The following DIP2C variants were observed in gnomAD, a reference collection of about 807,000 sequenced individuals.
The protein encoded by DIP2C is DIP2 acetate--CoA ligase C (putative).
A neutral mutation model predicts 192.4 loss-of-function variants in DIP2C; 33 were observed. The ratio of observed to expected loss-of-function variants is 0.17; its 90% CI spans 0.13 to 0.23. DIP2C has a LOEUF of 0.23. Ranked by LOEUF, DIP2C falls within the 10% of genes least tolerant of loss-of-function variation. The pLI is 1.00. For synonymous variants in DIP2C, 979 were observed against 864.1 expected, an observed-to-expected ratio of 1.13 and a Z score of -2.33; for missense variants, 1,537 against 2,110.1, an observed-to-expected ratio of 0.73 and a Z score of 5.32.
At chr10:534,142 G>A (rs1414214804) in intron 1 of DIP2C, among the ~76,000 whole-genome samples, 1 of 152,344 alleles carries the variant, frequency 6.6e-6, no homozygotes, top group Non-Finnish European at 1.5e-5. Flanking sequence ...ACTTCCCAGA[G>A]TCCATGCTTC....
intron 10 of DIP2C, among the ~76,000 whole-genome samples, chr10:396,831 G>T (rs925528130): frequency 4.6e-5 from 3 of 64,680 alleles, no homozygotes; most frequent in South Asian, 1.2e-3. Flanking sequence ...TCCGGTGGGG[G>T]GGGGGGAAAC....
chr10:600,667 A>G lies in DIP2C; in HGVS notation c.85+88827T>C, dbSNP rs544124313. Among the ~76,000 whole-genome samples, 350 of 152,276 alleles carry G rather than the reference A, an allele frequency of 2.3e-3. 4 individuals carry two copies. Among genetic ancestry groups the G allele is most frequent in the African/African-American group, 7.8e-3 (326 of 41,548 alleles). On this transcript the variant is annotated intron_variant, in intron 1 of 36. Transcript: ENST00000280886. ...CTTTCCACCTTAAAGAGGATGGCCCAGGGTGTGTGGATATTCCTGGGTGCC... is the reference window on the plus strand; with the variant it reads ...CTTTCCACCTTAAAGAGGATGGCCCGGGGTGTGTGGATATTCCTGGGTGCC...
At chr10:473,557 T>C (rs538795306) in intron 2 of DIP2C, among the ~76,000 whole-genome samples, 1 of 151,308 alleles carries the variant, frequency 6.6e-6, no homozygotes, top group Admixed American at 6.6e-5. Context: ...TCATCCTATG[T>C]CATCCCCACA....
At chr10:294,684 C>A (rs182956449) in intron 32 of DIP2C, among the ~76,000 whole-genome samples, 65 of 151,818 alleles carry the variant, frequency 4.3e-4, no homozygotes, top group Non-Finnish European at 7.5e-4. Flanking sequence ...TATGTCCATT[C>A]ATAAAGTTTC....
At chr10:348,796 G>A (rs1157320846) in intron 25 of DIP2C, 34 bp from the exon 26 acceptor site, 1 of 1,610,634 alleles carries the variant, frequency 6.2e-7, no homozygotes, top group East Asian at 2.2e-5. Context: ...CATTGAAGCA[G>A]ACCACGCTGC....
intron 4 of DIP2C, among the ~76,000 whole-genome samples, chr10:436,828 C>A: frequency 7.2e-6 from 1 of 138,364 alleles, no homozygotes; most frequent in African/African-American, 2.8e-5. Context: ...TGATATGCTC[C>A]ACCCACACCT....
At chr10:288,978 G>A (rs2132184943) in intron 32 of DIP2C, among the ~76,000 whole-genome samples, 1 of 152,358 alleles carries the variant, frequency 6.6e-6, no homozygotes, top group South Asian at 2.1e-4. Flanking sequence ...AACTGCCAAG[G>A]ACATCGCAGC....
At chr10:553,219 C>T (rs1848671891) in intron 1 of DIP2C, among the ~76,000 whole-genome samples, 1 of 152,212 alleles carries the variant, frequency 6.6e-6, no homozygotes, top group Non-Finnish European at 1.5e-5. Context: ...CGTCCCTGCA[C>T]CTGGCTTGCT....
intron 2 of DIP2C, among the ~76,000 whole-genome samples, chr10:479,832 C>T (rs1225209047): frequency 6.6e-6 from 1 of 152,144 alleles, no homozygotes; most frequent in Non-Finnish European, 1.5e-5. Flanking sequence ...CCAGTCGACG[C>T]TCACTGGATG....
chr10:684,928 T>C (rs531654638), intron 1 of DIP2C, among the ~76,000 whole-genome samples: 3 of 150,642 alleles, frequency 2.0e-5, no homozygotes, highest in East Asian at 3.9e-4. Context: ...AGGTCAGGAG[T>C]TCGAGACCAG....
chr10:315,866 C>T (rs1256591209), intron 31 of DIP2C, among the ~76,000 whole-genome samples: 1 of 152,116 alleles, frequency 6.6e-6, no homozygotes, highest in Non-Finnish European at 1.5e-5. Context: ...GCCTTTTCTC[C>T]TTGTTTTATG....
intron 1 of DIP2C, among the ~76,000 whole-genome samples, chr10:672,147 G>A (rs943346220): frequency 1.3e-5 from 2 of 150,582 alleles, no homozygotes; most frequent in Admixed American, 1.3e-4. Flanking sequence ...ATGGACGGAG[G>A]AAACAGGCCA....
At chr10:571,754 C>T (rs1849829606) in intron 1 of DIP2C, among the ~76,000 whole-genome samples, 1 of 152,210 alleles carries the variant, frequency 6.6e-6, no homozygotes, top group Non-Finnish European at 1.5e-5. Context: ...GGCGCTGGTG[C>T]CCAGCAGTAT....
chr10:386,549 G>A (rs1050958096), intron 14 of DIP2C, among the ~76,000 whole-genome samples: 1 of 152,148 alleles, frequency 6.6e-6, no homozygotes, highest in South Asian at 2.1e-4. Flanking sequence ...CTGGGAACAC[G>A]CTGCTCCATC....
intron 3 of DIP2C, among the ~76,000 whole-genome samples, chr10:469,238 T>A (rs184428228): frequency 6.6e-6 from 1 of 152,154 alleles, no homozygotes; most frequent in African/African-American, 2.4e-5. Flanking sequence ...TTTCCTCTCA[T>A]GTTCCTCCAT....
chr10:480,183 G>C (rs1197357552), intron 2 of DIP2C, among the ~76,000 whole-genome samples: 1 of 145,056 alleles, frequency 6.9e-6, no homozygotes, highest in African/African-American at 2.6e-5. Flanking sequence ...CTGAGCCCCG[G>C]TCCATGCTCA....
At chr10:313,786 T>C (rs775518424) in intron 31 of DIP2C, among the ~76,000 whole-genome samples, 20 of 152,206 alleles carry the variant, frequency 1.3e-4, no homozygotes, top group Admixed American at 2.0e-4. Flanking sequence ...TAAGTGCTTA[T>C]TGAACAAATG....
In DIP2C at chr10:651,456, G is replaced by T. The variant is rs1452363097; in HGVS notation, c.85+38038C>A. On this transcript the variant is annotated intron_variant, in intron 1 of 36. Transcript: ENST00000280886. This position sits in a 1 kb window ranked among gnomAD's most constrained non-coding sequence, Gnocchi z 4.1. Reference sequence around the variant, plus strand: ...AAGTCGTTAAGTAAAAATAGCAGAAGACTTAGTAGAATGTATGAGTAACAA... The same window carrying T: ...AAGTCGTTAAGTAAAAATAGCAGAATACTTAGTAGAATGTATGAGTAACAA... 1 of 664,730 alleles carries T rather than the reference G, an allele frequency of 1.5e-6. No homozygotes were observed. Among genetic ancestry groups the T allele is most frequent in the Middle Eastern group, 2.4e-4 (1 of 4,180 alleles). 41.2% of individuals were successfully genotyped at this position (664,730 alleles called of 1,614,324 possible).
intron 10 of DIP2C, among the ~76,000 whole-genome samples, chr10:397,552 G>A (rs1964091904): frequency 6.7e-6 from 1 of 149,408 alleles, no homozygotes; most frequent in Non-Finnish European, 1.5e-5. Flanking sequence ...AAGTGCTGAA[G>A]GGAGCTGATG....
Sources: gnomAD v4.1 joint callset for allele counts (sites outside exome capture counted in the v4.1 genomes callset) on GRCh38, gnomAD v4.1.1 for gene constraint, Gnocchi (gnomAD v3.1) non-coding constraint, MANE v1.5 for transcripts, NCBI Gene and HGNC (gene_info 2026-07-23, HGNC 2026-07-21) for gene names.